Variants in SLC7A1 observed in about 807,000 individuals in gnomAD.
SLC7A1 encodes solute carrier family 7 member 1, also known as high affinity cationic amino acid transporter 1.
Under a neutral mutation model 53.9 loss-of-function variants are expected in SLC7A1, and 10 were observed. The observed-to-expected ratio is 0.19, with a 90% confidence interval of 0.11 to 0.31. The LOEUF (loss-of-function observed/expected upper bound fraction) is 0.31, where lower values mean the gene tolerates loss of function less well. Ranked by LOEUF, SLC7A1 falls within the 10% of genes least tolerant of loss-of-function variation. The pLI is 1.00. For synonymous variants in SLC7A1, 342 were observed against 338.7 expected, an observed-to-expected ratio of 1.01 and a Z score of -0.11; for missense variants, 525 against 827.2, an observed-to-expected ratio of 0.63 and a Z score of 4.48.
intron 2 of SLC7A1, among the ~76,000 whole-genome samples, 166 bp downstream of exon 2, chr13:29,553,595 T>C (rs1870299108): frequency 1.3e-5 from 2 of 152,202 alleles, no homozygotes; most frequent in South Asian, 4.1e-4. Flanking sequence ...CACATGAGTC[T>C]GAAAAATTAC....
chr13:29,592,160 A>T (rs1872136813), intron 1 of SLC7A1, among the ~76,000 whole-genome samples: 1 of 152,180 alleles, frequency 6.6e-6, no homozygotes, highest in African/African-American at 2.4e-5. Flanking sequence ...TAATCATCCC[A>T]TTCTGCATTG....
chr13:29,570,460 C>A (rs1041706372), intron 1 of SLC7A1, among the ~76,000 whole-genome samples: 2 of 152,184 alleles, frequency 1.3e-5, no homozygotes, highest in African/African-American at 4.8e-5. Context: ...CAGTGTCACC[C>A]ACACCCGCCC....
chr13:29,539,213 A>G (rs1869557040), intron 2 of SLC7A1, among the ~76,000 whole-genome samples: 1 of 152,158 alleles, frequency 6.6e-6, no homozygotes, highest in African/African-American at 2.4e-5. Context: ...CCTAGGCAGA[A>G]CCAAAGCCAC....
At chr13:29,578,530 C>A (rs1871506070) in intron 1 of SLC7A1, among the ~76,000 whole-genome samples, 1 of 152,194 alleles carries the variant, frequency 6.6e-6, no homozygotes, top group Non-Finnish European at 1.5e-5. Flanking sequence ...CGAGTGTCCA[C>A]CGTCTGTCCC....
chr13:29,560,603 A>G (rs182196877), intron 1 of SLC7A1, among the ~76,000 whole-genome samples: 11 of 152,228 alleles, frequency 7.2e-5, no homozygotes, highest in Admixed American at 4.6e-4. Flanking sequence ...TGCATGTGCT[A>G]TACTTTTAGA....
chr13:29,530,734 A>G (rs1464904900), intron 4 of SLC7A1, 22 bp from the exon 5 acceptor site: 1 of 1,607,640 alleles, frequency 6.2e-7, no homozygotes, highest in Admixed American at 1.7e-5. Context: ...CATAGACACA[A>G]AACTTTGTCT....
rs1027991398 is a variant in SLC7A1 at position 29,512,029 on chromosome 13, A to C, written c.*2451T>G. On this transcript the variant is annotated 3_prime_UTR_variant, in exon 13 of 13. Coordinates refer to ENST00000380752, the MANE Select transcript of SLC7A1 (RefSeq NM_003045.5). ...GAAAGAAATGAGGGATATGATAAGA[A>C]AAAGTCTATTAAAATTGTAAGGCTT... The C allele has an allele frequency of 6.6e-6, 1 of 152,158 alleles. No homozygotes were observed. Among genetic ancestry groups the C allele is most frequent in the African/African-American group, 2.4e-5 (1 of 41,436 alleles). The allele number at this position is 152,158 out of a possible 1,614,324, so 9.4% of individuals were successfully genotyped here. A position where few individuals can be genotyped will look rare whatever the true frequency, so the allele number is the denominator to read the frequency against.
At chr13:29,520,275 G>T (rs1176069177) in intron 8 of SLC7A1, among the ~76,000 whole-genome samples, 2 of 152,146 alleles carry the variant, frequency 1.3e-5, no homozygotes, top group African/African-American at 4.8e-5. Flanking sequence ...GCAGACCACA[G>T]TCCCCAGCCT....
chr13:29,573,022 T>C (rs899173479), intron 1 of SLC7A1, among the ~76,000 whole-genome samples: 1 of 152,064 alleles, frequency 6.6e-6, no homozygotes, highest in Non-Finnish European at 1.5e-5. Context: ...TTCTTGAAAA[T>C]GCAGATAGCA....
intron 4 of SLC7A1, 70 bp downstream of exon 4, chr13:29,532,754 T>C (rs1408132433): frequency 1.4e-6 from 2 of 1,392,600 alleles, no homozygotes; most frequent in Non-Finnish European, 2.0e-6. Flanking sequence ...AGAAAGGAAC[T>C]TAACAGGAGC....
At chr13:29,542,367 A>G (rs1456741779) in intron 2 of SLC7A1, among the ~76,000 whole-genome samples, 2 of 152,134 alleles carry the variant, frequency 1.3e-5, no homozygotes, top group Admixed American at 6.5e-5. Flanking sequence ...AGGCAGGAGA[A>G]TTGCTTGAAC....
At position 29,581,957 on chromosome 13, in the gene SLC7A1, C is replaced by T. The variant is rs183445613; in HGVS notation, c.-115+13459G>A. On this transcript the variant is annotated intron_variant, in intron 1 of 12. Coordinates refer to ENST00000380752, the MANE Select transcript of SLC7A1 (RefSeq NM_003045.5). ...GGATTTTTCTTCTCGGAGAAACCTC[C>T]CTGAAGGCTGGGGCTTAACCCTTTA... Among the ~76,000 whole-genome samples, 78 of 152,322 alleles carry T rather than the reference C, an allele frequency of 5.1e-4. 1 individual carries two copies. The highest frequency in any genetic ancestry group is 1.9e-3 in the African/African-American group (78 of 41,570).
intron 10 of SLC7A1, 96 bp from the exon 11 acceptor site, chr13:29,517,406 G>T: frequency 7.3e-7 from 1 of 1,368,162 alleles, no homozygotes; most frequent in Non-Finnish European, 1.0e-6. Context: ...GGAGAGAGAG[G>T]CTCCATTTCC....
In SLC7A1 at chr13:29,530,563, T is replaced by A. The variant is rs751174406; in HGVS notation, c.679A>T (p.Thr227Ser). The A allele has an allele frequency of 3.3e-5, 54 of 1,614,008 alleles. No homozygotes were observed. Among genetic ancestry groups the A allele is most frequent in the Non-Finnish European group, 4.2e-5 (49 of 1,180,030 alleles). ...WQLTEEDFGNTSGRLCLNNDT... is the reference protein window; with the variant it reads ...WQLTEEDFGNSSGRLCLNNDT... ...TTGTTCAAACAGAGACGGCCTGATG[T>A]GTTCCCAAAATCCTCCTCCGTGAGC... The change falls in exon 5 of 13, where the codon ACA (threonine) becomes TCA (serine). Residue 227 changes from threonine to serine, a missense_variant. Thr to Ser is a moderately conservative substitution (Grantham distance 58). This residue lies in a region of SLC7A1 where 354 missense variants were observed against 587.5 expected (regional missense o/e 0.60). Coordinates refer to ENST00000380752, the MANE Select transcript of SLC7A1 (RefSeq NM_003045.5).
At chr13:29,563,208 G>T (rs1436742354) in intron 1 of SLC7A1, among the ~76,000 whole-genome samples, 1 of 152,178 alleles carries the variant, frequency 6.6e-6, no homozygotes, top group East Asian at 1.9e-4. Context: ...GAAGGATGGT[G>T]GTCAACTAGC....
At chr13:29,585,176 C>T (rs762185294) in intron 1 of SLC7A1, among the ~76,000 whole-genome samples, 1 of 152,174 alleles carries the variant, frequency 6.6e-6, no homozygotes, top group Non-Finnish European at 1.5e-5. Flanking sequence ...ATAATGTCCC[C>T]TTCAGTCAGA....
chr13:29,519,815 G>A (rs1868545649), intron 8 of SLC7A1, among the ~76,000 whole-genome samples: 1 of 152,054 alleles, frequency 6.6e-6, no homozygotes, highest in South Asian at 2.1e-4. Context: ...TGATTTTAAT[G>A]GCAACTTTGT....
At chr13:29,537,314 C>T (rs1869466455) in intron 2 of SLC7A1, among the ~76,000 whole-genome samples, 1 of 152,202 alleles carries the variant, frequency 6.6e-6, no homozygotes, top group Non-Finnish European at 1.5e-5. Context: ...ACAGTCTTTC[C>T]CCCAAAAACC....
intron 1 of SLC7A1, among the ~76,000 whole-genome samples, chr13:29,586,562 A>C (rs1871892529): frequency 6.6e-6 from 1 of 152,264 alleles, no homozygotes; most frequent in Non-Finnish European, 1.5e-5. Context: ...TACTGGCTAC[A>C]TAGTATTCTA....
Sources: allele counts gnomAD v4.1 joint callset (sites outside exome capture counted in the v4.1 genomes callset), GRCh38; gene constraint gnomAD v4.1.1; regional missense constraint gnomAD v4.1.1; transcripts MANE v1.5; gene names NCBI Gene and HGNC (gene_info 2026-07-23, HGNC 2026-07-21).